CYP7B1: variants seen among roughly 807,000 people sequenced by gnomAD.
CYP7B1 encodes cytochrome P450 family 7 subfamily B member 1, also known as cytochrome P450 7B1.
A neutral mutation model predicts 42.7 loss-of-function variants in CYP7B1; 29 were observed. The ratio of observed to expected loss-of-function variants is 0.68; its 90% CI spans 0.51 to 0.93. The LOEUF (loss-of-function observed/expected upper bound fraction) is 0.93. Ranked by LOEUF, CYP7B1 falls within the 40% of genes least tolerant of loss-of-function variation. The probability of loss-of-function intolerance (pLI) is 0.00; values close to 1 mark genes in which losing one functional copy is unlikely to be tolerated. For missense variants in CYP7B1, 655 were observed against 600.5 expected (o/e 1.09, Z -0.95); for synonymous variants, 235 against 218.2 (o/e 1.08, Z -0.68).
intron 1 of CYP7B1, among the ~76,000 whole-genome samples, chr8:64,703,238 AAAC>A (rs1456035248): frequency 3.9e-5 from 6 of 152,012 alleles, no homozygotes; most frequent in African/African-American, 1.2e-4. Flanking sequence ...ATGCATTTTT[AAAC>A]AAAATAAAAG....
chr8:64,705,677 A>G (rs1181449161), intron 1 of CYP7B1, among the ~76,000 whole-genome samples: 1 of 152,036 alleles, frequency 6.6e-6, no homozygotes, highest in Non-Finnish European at 1.5e-5. Context: ...AACTTTTAAT[A>G]TATGGCTTGG....
At chr8:64,766,871 AG>A (rs1397635872) in intron 1 of CYP7B1, among the ~76,000 whole-genome samples, 1 of 152,048 alleles carries the variant, frequency 6.6e-6, no homozygotes, top group Non-Finnish European at 1.5e-5. Flanking sequence ...GACAGCCAGG[AG>A]GTAAACTGTC....
At position 64,615,829 on chromosome 8, in the gene CYP7B1, C is replaced by A; in HGVS notation, c.712G>T (p.Val238Phe). The change falls in exon 3 of 6, where the codon GTC (valine) becomes TTC (phenylalanine). Residue 238 changes from valine to phenylalanine, a missense_variant. Val to Phe is a conservative substitution (Grantham distance 50). Coordinates refer to ENST00000310193, the MANE Select transcript of CYP7B1 (RefSeq NM_004820.5). ...SNIPIELLGN[V>F]KSIREKIIKC... is the part of the protein sequence containing the mutation. ...ATAATTTTCTCTCTAATAGACTTGA[C>A]ATTTCCTAGAAGCTCAATGGGTATG... The A allele has an allele frequency of 6.2e-7, 1 of 1,613,782 alleles. No individual in the cohort carries two copies. Among genetic ancestry groups the A allele is most frequent in the South Asian group, 1.1e-5 (1 of 91,070 alleles).
intron 1 of CYP7B1, among the ~76,000 whole-genome samples, chr8:64,763,391 G>T (rs1483618162): frequency 6.6e-6 from 1 of 152,162 alleles, no homozygotes; most frequent in Non-Finnish European, 1.5e-5. Context: ...AGAACAAAAG[G>T]GATGCCACCA....
chr8:64,636,732 A>G (rs1369712822), intron 1 of CYP7B1, among the ~76,000 whole-genome samples: 1 of 152,222 alleles, frequency 6.6e-6, no homozygotes, highest in Non-Finnish European at 1.5e-5. Context: ...CTAAGCAAAC[A>G]AACTCAGGGG....
chr8:64,615,674 C>A lies in CYP7B1; in HGVS notation c.850+17G>T. The A allele has an allele frequency of 1.2e-6, 2 of 1,605,634 alleles. No individual in the cohort carries two copies. The highest frequency in any genetic ancestry group is 1.7e-6 in the Non-Finnish European group (2 of 1,172,644). ...AATGATTTTATTTTAGGCAAGTGCT[C>A]ATTCAGAAGTTCTTACCTCCTATTT... On this transcript the variant is annotated intron_variant, in intron 3 of 5. Transcript: ENST00000310193.
chr8:64,695,988 A>C (rs1009809155), intron 1 of CYP7B1, among the ~76,000 whole-genome samples: 3 of 152,194 alleles, frequency 2.0e-5, no homozygotes. Context: ...TATATGATAA[A>C]TAGAACAGTT....
chr8:64,639,570 C>T (rs775098862), intron 1 of CYP7B1, among the ~76,000 whole-genome samples: 14 of 152,106 alleles, frequency 9.2e-5, no homozygotes, highest in Non-Finnish European at 2.1e-4. Context: ...CTACTATACA[C>T]CCACCACAGT....
chr8:64,701,753 A>T (rs1806919583), intron 1 of CYP7B1, among the ~76,000 whole-genome samples: 1 of 152,064 alleles, frequency 6.6e-6, no homozygotes, highest in Admixed American at 6.6e-5. Flanking sequence ...ATCCTTTTTA[A>T]CTGTTTCTTT....
intron 1 of CYP7B1, among the ~76,000 whole-genome samples, chr8:64,763,695 C>CT (rs1807925244): frequency 1.3e-5 from 2 of 152,200 alleles, no homozygotes; most frequent in South Asian, 4.1e-4. Context: ...TGCCTGGAAC[C>CT]AAATTCCACT....
chr8:64,608,959 A>G (rs746949602), intron 4 of CYP7B1, among the ~76,000 whole-genome samples: 2 of 152,186 alleles, frequency 1.3e-5, no homozygotes, highest in Non-Finnish European at 2.9e-5. Flanking sequence ...CGGCGTTCAT[A>G]TATTCCATAA....
intron 1 of CYP7B1, among the ~76,000 whole-genome samples, chr8:64,786,812 C>A (rs891417249): frequency 2.0e-5 from 3 of 152,256 alleles, no homozygotes; most frequent in African/African-American, 7.2e-5. Context: ...ACCCCTGTAA[C>A]ACACTTCTTC....
intron 1 of CYP7B1, among the ~76,000 whole-genome samples, chr8:64,708,217 A>C (rs933684228): frequency 1.3e-5 from 2 of 152,186 alleles, no homozygotes; most frequent in Admixed American, 1.3e-4. Flanking sequence ...ACTATAAAAG[A>C]TTCAAAAGAA....
At chr8:64,654,673 T>C (rs1393843121) in intron 1 of CYP7B1, among the ~76,000 whole-genome samples, 3 of 152,144 alleles carry the variant, frequency 2.0e-5, no homozygotes, top group Admixed American at 2.0e-4. Context: ...GAAAACTATT[T>C]TTAAATTCAT....
chr8:64,707,966 T>G (rs1267574304), intron 1 of CYP7B1, among the ~76,000 whole-genome samples: 2 of 152,138 alleles, frequency 1.3e-5, no homozygotes, highest in Non-Finnish European at 2.9e-5. Flanking sequence ...GTGCTAATCA[T>G]ATAATTCTAA....
chr8:64,714,860 A>G (rs1389557989), intron 1 of CYP7B1, among the ~76,000 whole-genome samples: 2 of 152,228 alleles, frequency 1.3e-5, no homozygotes, highest in African/African-American at 4.8e-5. Context: ...CTAATGTTGC[A>G]GAGAGACAGG....
intron 1 of CYP7B1, among the ~76,000 whole-genome samples, chr8:64,768,594 C>T (rs1383009672): frequency 1.3e-5 from 2 of 152,184 alleles, no homozygotes; most frequent in Non-Finnish European, 2.9e-5. Flanking sequence ...TTAGAGCTCT[C>T]TGTGCACATG....
intron 1 of CYP7B1, among the ~76,000 whole-genome samples, chr8:64,671,017 A>G (rs1477760846): frequency 6.6e-6 from 1 of 152,152 alleles, no homozygotes; most frequent in Non-Finnish European, 1.5e-5. Context: ...CATAGCTTGT[A>G]AGGTCTATGT....
chr8:64,652,963 T>C (rs1015087237), intron 1 of CYP7B1, among the ~76,000 whole-genome samples: 3 of 152,150 alleles, frequency 2.0e-5, no homozygotes, highest in Admixed American at 6.5e-5. Flanking sequence ...ACAACAAAGA[T>C]ACAACATACC....
Sources: gnomAD v4.1 joint callset for allele counts (sites outside exome capture counted in the v4.1 genomes callset) on GRCh38, gnomAD v4.1.1 for gene constraint, MANE v1.5 for transcripts, NCBI Gene and HGNC (gene_info 2026-07-23, HGNC 2026-07-21) for gene names.